PIP5K1B: variants seen among roughly 807,000 people sequenced by gnomAD.
PIP5K1B encodes the protein phosphatidylinositol 4-phosphate 5-kinase type-1 beta.
Under a neutral mutation model 67.0 loss-of-function variants are expected in PIP5K1B, and 42 were observed. The observed-to-expected ratio is 0.63, with a 90% CI of 0.49 to 0.81. The LOEUF is 0.81. PIP5K1B is among the 30% of genes least tolerant of loss of function. The pLI is 0.00. For missense variants in PIP5K1B, 459 were observed against 646.3 expected, an observed-to-expected ratio of 0.71 and a Z score of 3.14; for synonymous variants, 214 against 231.4, an observed-to-expected ratio of 0.92 and a Z score of 0.68.
intron 4 of PIP5K1B, among the ~76,000 whole-genome samples, chr9:68,844,608 AAT>A (rs1822091428): frequency 4.5e-5 from 3 of 66,812 alleles, no homozygotes; most frequent in Non-Finnish European, 6.5e-5. Context: ...GGGGAGATCC[AAT>A]GGGGGAGATC....
At chr9:68,896,063 G>A (rs146592400) in intron 8 of PIP5K1B, among the ~76,000 whole-genome samples, 12 of 151,824 alleles carry the variant, frequency 7.9e-5, no homozygotes, top group Non-Finnish European at 1.2e-4. Context: ...GCAAACAGAC[G>A]AACAAAAAAC....
intron 2 of PIP5K1B, among the ~76,000 whole-genome samples, chr9:68,801,293 C>G (rs778621096): frequency 6.6e-6 from 1 of 152,022 alleles, no homozygotes; most frequent in East Asian, 1.9e-4. Context: ...GGATACTTAG[C>G]GGTATTAACA....
At chr9:68,972,344 A>G (rs1286394183) in intron 14 of PIP5K1B, among the ~76,000 whole-genome samples, 2 of 152,132 alleles carry the variant, frequency 1.3e-5, no homozygotes, top group Non-Finnish European at 2.9e-5. Flanking sequence ...CCATTGGTGT[A>G]TATATCTGTT....
At chr9:69,001,999 A>G (rs888246203) in intron 15 of PIP5K1B, among the ~76,000 whole-genome samples, 6 of 152,222 alleles carry the variant, frequency 3.9e-5, no homozygotes, top group African/African-American at 1.4e-4. Context: ...AATCCATCCC[A>G]GGAGACGGCA....
intron 14 of PIP5K1B, among the ~76,000 whole-genome samples, chr9:68,988,231 T>C (rs1034691400): frequency 6.6e-6 from 1 of 152,008 alleles, no homozygotes; most frequent in Non-Finnish European, 1.5e-5. Context: ...TCCTTCCCTT[T>C]TTCTGTGAGT....
intron 2 of PIP5K1B, among the ~76,000 whole-genome samples, chr9:68,775,343 TCA>T (rs1229550406): frequency 6.6e-6 from 1 of 152,224 alleles, no homozygotes; most frequent in African/African-American, 2.4e-5. Context: ...ATATTTTTTT[TCA>T]CCTTTTCACT....
At chr9:68,756,823 A>C (rs776516989) in intron 2 of PIP5K1B, among the ~76,000 whole-genome samples, 1 of 152,194 alleles carries the variant, frequency 6.6e-6, no homozygotes, top group Non-Finnish European at 1.5e-5. Flanking sequence ...CATAGTATGC[A>C]CATTTAAAAA....
intron 4 of PIP5K1B, among the ~76,000 whole-genome samples, chr9:68,861,331 C>G (rs1352384604): frequency 6.6e-6 from 1 of 152,106 alleles, no homozygotes; most frequent in Non-Finnish European, 1.5e-5. Context: ...TCACTCCAGA[C>G]CTTTGGAATC....
intron 14 of PIP5K1B, among the ~76,000 whole-genome samples, chr9:68,952,876 A>G (rs1373824578): frequency 7.1e-6 from 1 of 140,822 alleles, no homozygotes; most frequent in Non-Finnish European, 1.6e-5. Flanking sequence ...TCTTCCTATT[A>G]TTATTATTAT....
At chr9:68,914,498 G>A (rs922304363) in intron 8 of PIP5K1B, among the ~76,000 whole-genome samples, 8 of 152,156 alleles carry the variant, frequency 5.3e-5, no homozygotes, top group East Asian at 1.9e-4. Context: ...GGCAGATCAC[G>A]AGGTCGGGAG....
intron 4 of PIP5K1B, among the ~76,000 whole-genome samples, chr9:68,832,378 T>C (rs919609640): frequency 3.9e-5 from 6 of 152,228 alleles, no homozygotes; most frequent in South Asian, 4.1e-4. Context: ...CTTAAAAACA[T>C]CTGGTAAAGA....
At chr9:68,992,084 G>T (rs1053997101) in intron 15 of PIP5K1B, among the ~76,000 whole-genome samples, 1 of 152,154 alleles carries the variant, frequency 6.6e-6, no homozygotes, top group Admixed American at 6.5e-5. Context: ...TCCTGCCTCA[G>T]CCTCCCTAGT....
intron 8 of PIP5K1B, among the ~76,000 whole-genome samples, chr9:68,903,228 A>G (rs1825451711): frequency 6.6e-6 from 1 of 152,194 alleles, no homozygotes; most frequent in Admixed American, 6.6e-5. Context: ...TCTTGGTGTC[A>G]ATCTTCTGAT....
At chr9:68,719,213 T>C (rs1262034223) in intron 1 of PIP5K1B, among the ~76,000 whole-genome samples, 1 of 152,242 alleles carries the variant, frequency 6.6e-6, no homozygotes, top group African/African-American at 2.4e-5. Flanking sequence ...ATGTGTTTAC[T>C]ATATTATGGT....
At chr9:68,850,759 A>G (rs1822441611) in intron 4 of PIP5K1B, among the ~76,000 whole-genome samples, 1 of 152,198 alleles carries the variant, frequency 6.6e-6, no homozygotes, top group African/African-American at 2.4e-5. Context: ...TCTTATTTTA[A>G]TCTATTGAAT....
At chr9:68,890,096 G>A (rs148504401) in intron 7 of PIP5K1B, among the ~76,000 whole-genome samples, 3 of 152,320 alleles carry the variant, frequency 2.0e-5, no homozygotes, top group East Asian at 3.9e-4. Flanking sequence ...AAGGGCTCCA[G>A]AGAATGCATT....
chr9:68,958,606 T>C (rs1462825458), intron 14 of PIP5K1B, among the ~76,000 whole-genome samples: 1 of 152,222 alleles, frequency 6.6e-6, no homozygotes, highest in African/African-American at 2.4e-5. Context: ...ATAAACTAGA[T>C]ATAATTCTTT....
In PIP5K1B at chr9:68,924,004, GA is replaced by G. The variant is rs374564728; in HGVS notation, c.1201+623del. Among the ~76,000 whole-genome samples, 126 of 146,620 alleles carry G rather than the reference GA, an allele frequency of 8.6e-4. No individual in the cohort carries two copies. In the East Asian group the frequency reaches 0.014, roughly 17 times the overall value. On this transcript the variant is annotated intron_variant, in intron 12 of 15. Transcript: ENST00000265382. The stretch of plus-strand genomic sequence containing the variant: ...TAAAGAAGAAATTACAAGGAAATTA[GA>G]AAAACCTCAAGATGAATGAAAAGGA...
Position 68,940,005 on chromosome 9 carries a change from C to T in PIP5K1B, c.1358-641C>T, listed in dbSNP as rs1587696006. Among the ~76,000 whole-genome samples, 7 of 152,252 alleles carry T rather than the reference C, an allele frequency of 4.6e-5. 2 individuals are homozygous for T. Among genetic ancestry groups the T allele is most frequent in the Admixed American group, 4.6e-4 (7 of 15,290 alleles). The stretch of plus-strand genomic sequence containing the variant: ...ATTCCTCTTTCCTCACAAGGATGGG[C>T]TCTCGCATAAGTAATTTCATGGGCC... On this transcript the variant is annotated intron_variant, in intron 13 of 15. Transcript: ENST00000265382.
Sources: gnomAD v4.1 joint callset for allele counts (sites outside exome capture counted in the v4.1 genomes callset) on GRCh38, gnomAD v4.1.1 for gene constraint, MANE v1.5 for transcripts, NCBI Gene and HGNC (gene_info 2026-07-23, HGNC 2026-07-21) for gene names.